ENTPD5: variants seen among roughly 807,000 people sequenced by gnomAD.
ENTPD5 encodes the protein ectonucleoside triphosphate diphosphohydrolase 5 (inactive), also known as nucleoside diphosphate phosphatase ENTPD5.
In ENTPD5, 49 loss-of-function variants were observed where a neutral mutation model predicts 60.2. That is an observed-to-expected ratio of 0.81 (90% CI 0.65 to 1.03). The LOEUF (loss-of-function observed/expected upper bound fraction) is 1.03. Ranked by LOEUF, ENTPD5 falls within the 50% of genes least tolerant of loss-of-function variation. The pLI, the probability that ENTPD5 is intolerant of heterozygous loss-of-function variation, is 0.00. For synonymous variants in ENTPD5, 187 were observed against 185.4 expected (o/e 1.01, Z -0.07); for missense variants, 480 against 507.6 (o/e 0.95, Z 0.52).
chr14:73,961,630 G>C, downstream of ENTPD5: 1 of 1,603,356 alleles, frequency 6.2e-7, no homozygotes, highest in Non-Finnish European at 8.5e-7. Context: ...CAAGATCAGG[G>C]CCCACAGTAG....
intron 2 of ENTPD5, among the ~76,000 whole-genome samples, chr14:74,012,828 A>G (rs1355957496): frequency 6.6e-6 from 1 of 152,230 alleles, no homozygotes; most frequent in Non-Finnish European, 1.5e-5. Context: ...AATTCCATTT[A>G]AAAACCCCCA....
chr14:73,995,296 C>T (rs1439778271), intron 3 of ENTPD5, among the ~76,000 whole-genome samples: 2 of 152,186 alleles, frequency 1.3e-5, no homozygotes, highest in East Asian at 1.9e-4. Flanking sequence ...GATCCACCCG[C>T]CTCAGCCTCC....
intron 2 of ENTPD5, among the ~76,000 whole-genome samples, chr14:74,014,391 A>C (rs941383931): frequency 1.6e-4 from 21 of 134,740 alleles, no homozygotes; most frequent in East Asian, 6.7e-4. Flanking sequence ...CCCCCCCCCC[A>C]CAAAAAAAAG....
intron 2 of ENTPD5, among the ~76,000 whole-genome samples, chr14:74,014,171 C>G (rs62005078): frequency 2.6e-5 from 4 of 152,052 alleles, no homozygotes; most frequent in African/African-American, 9.7e-5. Context: ...TAGTGGTGCA[C>G]GCCTGTAGTC....
downstream of ENTPD5, among the ~76,000 whole-genome samples, chr14:73,957,182 C>T (rs377031487): frequency 5.9e-5 from 9 of 151,778 alleles, no homozygotes; most frequent in South Asian, 2.1e-4. Context: ...ACTGCAAGCT[C>T]GGCCTCCCAG....
chr14:73,976,165 G>A, intron 9 of ENTPD5, 150 bp from the exon 10 acceptor site: 1 of 851,688 alleles, frequency 1.2e-6, no homozygotes, highest in Non-Finnish European at 1.9e-6. Flanking sequence ...AAGGGATTCT[G>A]AACAGTGAGA....
intron 3 of ENTPD5, chr14:73,996,111 C>T: frequency 1.0e-6 from 1 of 984,678 alleles, no homozygotes; most frequent in Non-Finnish European, 1.2e-6. Flanking sequence ...TGCTCACCTG[C>T]TTGTGTCTGC....
intron 3 of ENTPD5, among the ~76,000 whole-genome samples, chr14:74,005,369 A>AAAAAAAAAGAAAAG (rs1404172423): frequency 1.3e-5 from 2 of 149,420 alleles, no homozygotes; most frequent in Admixed American, 6.7e-5. Flanking sequence ...GGTCTCAAAA[A>AAAAAAAAAGAAAAG]AAAAGAAAAG....
In ENTPD5 at chr14:73,987,906, G is replaced by A. The variant is rs1197015852; in HGVS notation, c.197C>T (p.Thr66Ile). Residue 66 changes from threonine to isoleucine, a missense_variant, in exon 4 of 16, where the codon ACC (threonine) becomes ATC (isoleucine). Thr to Ile is a moderately conservative substitution (Grantham distance 89). Coordinates refer to ENST00000334696, the MANE Select transcript of ENTPD5 (RefSeq NM_001249.5). ...CTTACCTGGCATTTTCTGCACAAAG[G>A]TGTAAACATGAATTCGAGTTCCAGT... ...GSTGTRIHVYTFVQKMPGQLP... is the reference protein window; with the variant it reads ...GSTGTRIHVYIFVQKMPGQLP... The A allele has an allele frequency of 3.7e-6, 6 of 1,614,078 alleles. No individual in the cohort carries two copies. The highest frequency in any genetic ancestry group is 5.1e-6 in the Non-Finnish European group (6 of 1,180,014).
At chr14:73,962,146 C>T (rs181133013), downstream of ENTPD5, among the ~76,000 whole-genome samples, 55 of 151,946 alleles carry the variant, frequency 3.6e-4, no homozygotes, top group East Asian at 0.01. Flanking sequence ...TGGGGTTTCA[C>T]CATGTTGGCC....
rs1490973289 is a variant in ENTPD5 at position 73,981,127 on chromosome 14, TAAG to T, written c.441+1888_441+1890del. Among the ~76,000 whole-genome samples, 14 of 151,664 alleles carry T rather than the reference TAAG, an allele frequency of 9.2e-5. No individual in the cohort carries two copies. In the South Asian group the frequency reaches 2.5e-3, roughly 27 times the overall value. On this transcript the variant is annotated intron_variant, in intron 6 of 15. Coordinates refer to ENST00000334696, the MANE Select transcript of ENTPD5 (RefSeq NM_001249.5). ...AAAAATAAATAAATAAATAAATAAA[TAAG>T]AATAAAAATAAAAATACTGAATTTA...
chr14:73,970,067 G>C lies in ENTPD5; in HGVS notation c.1143C>G (p.Ser381Arg). 1 of 1,614,006 alleles carries C rather than the reference G, an allele frequency of 6.2e-7. No individual in the cohort carries two copies. Among genetic ancestry groups the C allele is most frequent in the Non-Finnish European group, 8.5e-7 (1 of 1,179,898 alleles). ...CATCCTTTAACAGGGCTGTGATGTAGCTGAGATCCATGCACAGGAAAGGAC... is the reference window on the plus strand; with the variant it reads ...CATCCTTTAACAGGGCTGTGATGTACCTGAGATCCATGCACAGGAAAGGAC... ...SGSPFLCMDL[S>R]YITALLKDGF... The change falls in exon 15 of 16, where the codon AGC (serine) becomes AGG (arginine). Residue 381 changes from serine (S) to arginine (R), a missense_variant. Ser to Arg is a moderately radical substitution (Grantham distance 110). Transcript: ENST00000334696.
intron 8 of ENTPD5, among the ~76,000 whole-genome samples, chr14:73,976,790 G>T (rs956213268): frequency 1.3e-5 from 2 of 152,112 alleles, no homozygotes; most frequent in African/African-American, 4.8e-5. Context: ...ATTTTTGGTA[G>T]AGACGGAGTT....
Position 73,976,014 on chromosome 14 carries a change from T to A in ENTPD5, c.644A>T (p.Lys215Ile), listed in dbSNP as rs1196271760. Residue 215 changes from lysine to isoleucine, a missense_variant and splice_region_variant, in exon 10 of 16, where the codon AAA becomes ATA. Transcript: ENST00000334696. The stretch of plus-strand genomic sequence containing the variant: ...GCCCCTAGGAGTTTGTTCCAGAGTT[T>A]TCTGCAAATCAGAAAAAGCAAAAAG... ...TQITFLPQFE[K>I]TLEQTPRGYL... The A allele has an allele frequency of 1.2e-6, 2 of 1,612,728 alleles. No individual in the cohort carries two copies. The highest frequency in any genetic ancestry group is 2.2e-5 in the East Asian group (1 of 44,892).
At chr14:73,969,329 A>G (rs998900647) in intron 15 of ENTPD5, among the ~76,000 whole-genome samples, 23 of 152,288 alleles carry the variant, frequency 1.5e-4, no homozygotes, top group African/African-American at 5.5e-4. Context: ...TCCTGCTTGC[A>G]CCGTGTCTTC....
downstream of ENTPD5, chr14:73,961,678 G>A: frequency 1.2e-6 from 2 of 1,610,342 alleles, no homozygotes; most frequent in South Asian, 2.2e-5. Flanking sequence ...TGGCTTGCTA[G>A]GAGATGGAAG....
intron 3 of ENTPD5, among the ~76,000 whole-genome samples, chr14:74,005,615 C>G (rs538221467): frequency 6.6e-6 from 1 of 152,000 alleles, no homozygotes; most frequent in Admixed American, 6.6e-5. Flanking sequence ...CAAGACCAGT[C>G]TGGCCAACAT....
At position 73,983,142 on chromosome 14, in the gene ENTPD5, CCTTGAACGG is replaced by C. The variant is rs748520801; in HGVS notation, c.308_316del (p.Thr103_Gly106delinsArg). On this transcript the variant is annotated inframe_deletion, in exon 6 of 16. Coordinates refer to ENST00000334696, the MANE Select transcript of ENTPD5 (RefSeq NM_001249.5). The stretch of plus-strand genomic sequence containing the variant: ...TGAGTCTTTGGCCACCTCTAAGAGC[CCTTGAACGG>C]TCTCAGCACCCTTCAAAAGAGATAA... 31 of 1,613,920 alleles carry C rather than the reference CCTTGAACGG, an allele frequency of 1.9e-5. No homozygotes were observed. The highest frequency in any genetic ancestry group is 2.3e-5 in the Non-Finnish European group (27 of 1,179,944).
intron 3 of ENTPD5, among the ~76,000 whole-genome samples, chr14:73,988,432 A>C (rs1035188052): frequency 1.3e-5 from 2 of 152,238 alleles, no homozygotes; most frequent in African/African-American, 4.8e-5. Flanking sequence ...TATGGAATAC[A>C]TGTGATATTT....
Sources: gnomAD v4.1 joint callset for allele counts (sites outside exome capture counted in the v4.1 genomes callset) on GRCh38, gnomAD v4.1.1 for gene constraint, MANE v1.5 for transcripts, NCBI Gene and HGNC (gene_info 2026-07-23, HGNC 2026-07-21) for gene names.